Variants in PTPRM observed in about 807,000 individuals in gnomAD.
PTPRM encodes protein tyrosine phosphatase receptor type M.
PTPRM carries 47 observed loss-of-function variants against 186.7 expected under a neutral mutation model. The ratio of observed to expected loss-of-function variants is 0.25; its 90% CI spans 0.20 to 0.32. The LOEUF is 0.32. Ranked by LOEUF, PTPRM falls within the 10% of genes least tolerant of loss-of-function variation. The pLI is 1.00. For synonymous variants in PTPRM, 668 were observed against 674.9 expected, an observed-to-expected ratio of 0.99 and a Z score of 0.16; for missense variants, 1,494 against 1,865.0, an observed-to-expected ratio of 0.80 and a Z score of 3.66.
intron 9 of PTPRM, among the ~76,000 whole-genome samples, chr18:8,081,242 C>T (rs563950678): frequency 1.0e-3 from 154 of 152,314 alleles, no homozygotes; most frequent in Non-Finnish European, 1.9e-3. Flanking sequence ...ATTTCAGGCA[C>T]TTACCTGCAA....
intron 1 of PTPRM, among the ~76,000 whole-genome samples, chr18:7,766,573 C>T (rs913760722): frequency 2.6e-5 from 4 of 152,146 alleles, no homozygotes; most frequent in Non-Finnish European, 5.9e-5. Flanking sequence ...AGGGAATGTT[C>T]TGCTGGAGGC....
chr18:8,376,612 C>T lies in PTPRM; in HGVS notation c.3462+15C>T. The T allele has an allele frequency of 6.2e-7, 1 of 1,606,498 alleles. No homozygotes were observed. Among genetic ancestry groups the T allele is most frequent in the Non-Finnish European group, 8.5e-7 (1 of 1,176,548 alleles). ...TGCAAACAGAGGTACTCCCGCTCAT[C>T]ACCTAGCCTGGGGCCTTGGTCCCTG... On this transcript the variant is annotated intron_variant, in intron 26 of 32. Transcript: ENST00000580170.
At chr18:8,337,454 C>A (rs2095446329) in intron 22 of PTPRM, among the ~76,000 whole-genome samples, 1 of 152,328 alleles carries the variant, frequency 6.6e-6, no homozygotes, top group South Asian at 2.1e-4. Flanking sequence ...TACATCTCTA[C>A]TATACCTCAC....
At chr18:8,361,688 T>A (rs1429592463) in intron 23 of PTPRM, among the ~76,000 whole-genome samples, 1 of 152,108 alleles carries the variant, frequency 6.6e-6, no homozygotes, top group Non-Finnish European at 1.5e-5. Flanking sequence ...AATCATATGG[T>A]CTTGTATCCT....
intron 1 of PTPRM, among the ~76,000 whole-genome samples, chr18:7,650,761 A>C (rs1049080411): frequency 3.9e-5 from 6 of 152,032 alleles, no homozygotes; most frequent in Admixed American, 1.3e-4. Flanking sequence ...GAAACATTAT[A>C]AAACACACAT....
intron 22 of PTPRM, among the ~76,000 whole-genome samples, chr18:8,333,310 T>A (rs556754742): frequency 6.6e-6 from 1 of 152,320 alleles, no homozygotes; most frequent in Admixed American, 6.5e-5. Flanking sequence ...AAATAAGTGA[T>A]GTTAAGGATT....
At chr18:7,784,009 G>A (rs990567220) in intron 2 of PTPRM, among the ~76,000 whole-genome samples, 6 of 151,974 alleles carry the variant, frequency 3.9e-5, no homozygotes, top group African/African-American at 1.5e-4. Context: ...GGATGGTGAC[G>A]TTAGAAGATC....
chr18:8,264,009 A>T lies in PTPRM; in HGVS notation c.2754+10595A>T, dbSNP rs1386509600. ...TGACAGCCTACTACTGGGGACTGGC[A>T]TCTGAAGCGGGGGGTTGCCATCTTG... is the stretch of plus-strand genomic sequence containing the variant. On this transcript the variant is annotated intron_variant, in intron 19 of 32. Transcript: ENST00000580170. 2.6e-5 allele frequency among the ~76,000 whole-genome samples: 4 copies of T among 152,200 alleles called. No individual in the cohort carries two copies. The East Asian group carries it at 7.7e-4, about 29-fold the overall frequency.
chr18:7,978,104 C>T (rs892677370), intron 7 of PTPRM, among the ~76,000 whole-genome samples: 5 of 152,130 alleles, frequency 3.3e-5, no homozygotes, highest in African/African-American at 9.7e-5. Context: ...CCTCTCAGCG[C>T]ACTTTGCTTT....
intron 14 of PTPRM, among the ~76,000 whole-genome samples, chr18:8,182,512 A>G (rs1460248811): frequency 6.6e-6 from 1 of 152,212 alleles, no homozygotes; most frequent in African/African-American, 2.4e-5. Flanking sequence ...TTTCTCTTGC[A>G]CTTATTTGTT....
intron 23 of PTPRM, among the ~76,000 whole-genome samples, chr18:8,353,720 A>G (rs946307069): frequency 8.4e-6 from 1 of 118,362 alleles, no homozygotes; most frequent in African/African-American, 4.1e-5. Context: ...TGAGTTTAAG[A>G]AGCTGAATGA....
At chr18:7,796,997 A>G (rs1200801813) in intron 2 of PTPRM, among the ~76,000 whole-genome samples, 1 of 152,166 alleles carries the variant, frequency 6.6e-6, no homozygotes, top group Non-Finnish European at 1.5e-5. Flanking sequence ...TGGCTGCATC[A>G]CCATTGGGGG....
chr18:7,717,061 A>T (rs2040350159), intron 1 of PTPRM, among the ~76,000 whole-genome samples: 1 of 152,222 alleles, frequency 6.6e-6, no homozygotes, highest in South Asian at 2.1e-4. Context: ...AAGACTTGGA[A>T]CCAACCCAAA....
At chr18:7,648,424 A>G (rs2038617318) in intron 1 of PTPRM, among the ~76,000 whole-genome samples, 1 of 152,172 alleles carries the variant, frequency 6.6e-6, no homozygotes, top group Non-Finnish European at 1.5e-5. Context: ...AAAGCTAGAA[A>G]TGATTTTGCT....
intron 1 of PTPRM, among the ~76,000 whole-genome samples, chr18:7,626,058 A>C (rs921372771): frequency 1.3e-5 from 2 of 152,192 alleles, no homozygotes; most frequent in Non-Finnish European, 2.9e-5. Context: ...AAAATGCCTT[A>C]ACATTCATAA....
At chr18:7,630,640 GA>G (rs1194704379) in intron 1 of PTPRM, among the ~76,000 whole-genome samples, 1 of 152,070 alleles carries the variant, frequency 6.6e-6, no homozygotes, top group Admixed American at 6.5e-5. Context: ...GGGAATTAAA[GA>G]AAAAAGTTTT....
intron 9 of PTPRM, among the ~76,000 whole-genome samples, chr18:8,084,656 T>C (rs752506576): frequency 6.6e-6 from 1 of 152,282 alleles, no homozygotes; most frequent in Admixed American, 6.5e-5. Context: ...GCACATAAAT[T>C]ACAAGTAAGT....
intron 1 of PTPRM, among the ~76,000 whole-genome samples, chr18:7,677,593 C>T (rs938381346): frequency 3.3e-5 from 5 of 152,110 alleles, no homozygotes; most frequent in Admixed American, 1.3e-4. Flanking sequence ...CGTGGCTGGG[C>T]AAATTCTTGG....
chr18:8,320,205 G>A (rs2095337120), intron 22 of PTPRM, among the ~76,000 whole-genome samples: 1 of 152,162 alleles, frequency 6.6e-6, no homozygotes, highest in Non-Finnish European at 1.5e-5. Flanking sequence ...GTTAGGCATG[G>A]GGGCAGGGTG....
Sources: gnomAD v4.1 joint callset for allele counts (sites outside exome capture counted in the v4.1 genomes callset) on GRCh38, gnomAD v4.1.1 for gene constraint, MANE v1.5 for transcripts, NCBI Gene and HGNC (gene_info 2026-07-23, HGNC 2026-07-21) for gene names.